The following GALNT14 variants were observed in gnomAD, a reference collection of about 807,000 sequenced individuals.
GALNT14 encodes the protein UDP-GalNAc:polypeptide N-acetylgalactosaminyltransferase 14.
Under a neutral mutation model 77.5 loss-of-function variants are expected in GALNT14, and 60 were observed. The ratio of observed to expected loss-of-function variants is 0.77; its 90% CI spans 0.63 to 0.96. The LOEUF (loss-of-function observed/expected upper bound fraction) is 0.96, where lower values mean the gene tolerates loss of function less well. Among genes scored for constraint, GALNT14 ranks in the 40% least tolerant of loss-of-function variants. The probability of loss-of-function intolerance (pLI) is 0.00; values close to 1 mark genes in which losing one functional copy is unlikely to be tolerated. For missense variants in GALNT14, 710 were observed against 731.0 expected, an observed-to-expected ratio of 0.97 and a Z score of 0.33; for synonymous variants, 280 against 281.7, an observed-to-expected ratio of 0.99 and a Z score of 0.06.
chr2:30,972,827 C>G (rs1194778192), intron 2 of GALNT14, among the ~76,000 whole-genome samples: 1 of 152,206 alleles, frequency 6.6e-6, no homozygotes, highest in East Asian at 1.9e-4. Context: ...GCTGCTGCTC[C>G]TGGGTGGTAA....
At chr2:30,969,034 G>A (rs1216750294) in intron 2 of GALNT14, among the ~76,000 whole-genome samples, 1 of 152,178 alleles carries the variant, frequency 6.6e-6, no homozygotes, top group Non-Finnish European at 1.5e-5. Context: ...AGAGGCCCAG[G>A]CAGAGGGGAA....
chr2:30,970,244 A>C (rs1467359471), intron 2 of GALNT14, among the ~76,000 whole-genome samples: 1 of 152,148 alleles, frequency 6.6e-6, no homozygotes, highest in Non-Finnish European at 1.5e-5. Flanking sequence ...GGAGGAGCAG[A>C]GATCAAAGGA....
intron 1 of GALNT14, among the ~76,000 whole-genome samples, chr2:31,067,783 C>T (rs1452513238): frequency 6.6e-6 from 1 of 152,166 alleles, no homozygotes; most frequent in Non-Finnish European, 1.5e-5. Context: ...ATGGGCATGT[C>T]TCACCCCATT....
At chr2:30,901,234 T>C in the GALNT14 span, among the ~76,000 whole-genome samples, 2 of 151,916 alleles carry the variant, frequency 1.3e-5, no homozygotes, top group African/African-American at 4.8e-5. Context: ...CAGGGAGAAA[T>C]TACAAAGTAC....
intron 1 of GALNT14, chr2:31,125,175 G>C (rs1351968794): frequency 3.2e-6 from 5 of 1,550,250 alleles, no homozygotes; most frequent in East Asian, 2.4e-5. Flanking sequence ...TGCCCTCTTT[G>C]GTAGGGAGGA....
intron 1 of GALNT14, among the ~76,000 whole-genome samples, chr2:31,024,466 T>C (rs6752071): frequency 0.43 from 65,651 of 151,800 alleles, 14,414 homozygotes; most frequent in East Asian, 0.55. Flanking sequence ...CCACACCAGG[T>C]TCCTCCCCAG....
intron 1 of GALNT14, among the ~76,000 whole-genome samples, chr2:31,092,075 G>C (rs116409504): frequency 0.055 from 8,390 of 152,088 alleles, 229 homozygotes; most frequent in South Asian, 0.085. Context: ...TGAACTCTTG[G>C]ACTTACACCA....
In GALNT14 at chr2:31,082,763, T is replaced by C. The variant is rs188190499; in HGVS notation, c.129+55195A>G. ...GGCTGGGCACGGTGGCTCACACCTATAATCCCAGCACTTTGGGAGGCCGAG... is the reference window on the plus strand; with the variant it reads ...GGCTGGGCACGGTGGCTCACACCTACAATCCCAGCACTTTGGGAGGCCGAG... On this transcript the variant is annotated intron_variant, in intron 1 of 14. Transcript: ENST00000349752. Among the ~76,000 whole-genome samples the C allele has an allele frequency of 2.5e-3, 376 of 152,314 alleles. 3 individuals are homozygous for C. The highest frequency in any genetic ancestry group is 8.8e-3 in the African/African-American group (364 of 41,560).
At chr2:30,994,163 G>C (rs13008469) in intron 1 of GALNT14, among the ~76,000 whole-genome samples, 46,491 of 152,120 alleles carry the variant, frequency 0.31, 7,757 homozygotes, top group African/African-American at 0.43. Flanking sequence ...TTGTTGGTAT[G>C]CTGGGGCTGA....
chr2:30,995,200 A>G (rs146903947), intron 1 of GALNT14, among the ~76,000 whole-genome samples: 2 of 151,394 alleles, frequency 1.3e-5, no homozygotes, highest in Non-Finnish European at 2.9e-5. Context: ...GTATACAGCC[A>G]CATATGCATA....
In GALNT14 at chr2:30,924,687, G is replaced by A. The variant is rs1020042308; in HGVS notation, c.1235+53C>T. 2.9e-5 allele frequency: 43 copies of A among 1,503,634 alleles called. No individual in the cohort carries two copies. The East Asian group carries it at 9.5e-4, about 33-fold the overall frequency. 93.1% of individuals were successfully genotyped at this position (1,503,634 alleles called of 1,614,324 possible). A position where few individuals can be genotyped will look rare whatever the true frequency, so the allele number is the denominator to read the frequency against. On this transcript the variant is annotated intron_variant, in intron 12 of 14. Coordinates refer to ENST00000349752, the MANE Select transcript of GALNT14 (RefSeq NM_024572.4). Reference sequence around the variant, plus strand: ...TCTGTCTCTTCTCCAGACCAAGCCAGCTGAGGGCCTCTGCTTTCAGCCAGC... The same window carrying A: ...TCTGTCTCTTCTCCAGACCAAGCCAACTGAGGGCCTCTGCTTTCAGCCAGC...
chr2:30,892,595 CA>C, the GALNT14 span, among the ~76,000 whole-genome samples: 5 of 152,228 alleles, frequency 3.3e-5, no homozygotes, highest in African/African-American at 1.2e-4. Context: ...GTATAATGAA[CA>C]GCCTTGGAAG....
At chr2:30,987,833 C>T (rs1192677074) in intron 2 of GALNT14, among the ~76,000 whole-genome samples, 1 of 151,966 alleles carries the variant, frequency 6.6e-6, no homozygotes, top group Non-Finnish European at 1.5e-5. Flanking sequence ...CTCTAATGCT[C>T]AGCTAATAGT....
chr2:31,033,146 G>A (rs145737019), intron 1 of GALNT14, among the ~76,000 whole-genome samples: 245 of 152,272 alleles, frequency 1.6e-3, no homozygotes, highest in African/African-American at 5.4e-3. Context: ...TCAAGTCATT[G>A]AAAAGTGACT....
chr2:31,130,783 T>TGTGTGTGTGTGTGTGTGTGC (rs1181788023), intron 1 of GALNT14, among the ~76,000 whole-genome samples: 3 of 118,634 alleles, frequency 2.5e-5, no homozygotes, highest in African/African-American at 1.1e-4. Context: ...TGTGTGTGTG[T>TGTGTGTGTGTGTGTGTGTGC]GCGCGCGCAC....
At chr2:31,038,919 G>A (rs1024394841) in intron 1 of GALNT14, among the ~76,000 whole-genome samples, 3 of 151,794 alleles carry the variant, frequency 2.0e-5, no homozygotes, top group Non-Finnish European at 4.4e-5. Context: ...CTAATTTTTT[G>A]TATTTTTGTA....
chr2:30,906,803 T>G (rs1213488088), downstream of GALNT14, among the ~76,000 whole-genome samples: 2 of 152,168 alleles, frequency 1.3e-5, no homozygotes, highest in Non-Finnish European at 2.9e-5. Flanking sequence ...GACCACATAC[T>G]TGGAAGCAAA....
intron 1 of GALNT14, among the ~76,000 whole-genome samples, chr2:31,012,812 A>C (rs1203868748): frequency 6.6e-6 from 1 of 152,102 alleles, no homozygotes; most frequent in Non-Finnish European, 1.5e-5. Context: ...CAAAACAAAA[A>C]CCCCAGTCTA....
At chr2:31,001,419 G>A (rs1455367392) in intron 1 of GALNT14, among the ~76,000 whole-genome samples, 1 of 152,150 alleles carries the variant, frequency 6.6e-6, no homozygotes, top group African/African-American at 2.4e-5. Flanking sequence ...TCAGGGTAAA[G>A]GTCACTGAGA....
Sources: allele counts gnomAD v4.1 joint callset (sites outside exome capture counted in the v4.1 genomes callset), GRCh38; gene constraint gnomAD v4.1.1; transcripts MANE v1.5; gene names NCBI Gene and HGNC (gene_info 2026-07-23, HGNC 2026-07-21).